The following XXYLT1 variants were observed in gnomAD, a reference collection of about 807,000 sequenced individuals.
XXYLT1 encodes xyloside xylosyltransferase 1, also known as UDP-xylose:alpha-xyloside alpha-1,3-xylosyltransferase.
A neutral mutation model predicts 28.9 loss-of-function variants in XXYLT1; 20 were observed. That is an observed-to-expected ratio of 0.69 (90% CI 0.49 to 1.00). XXYLT1 has a LOEUF of 1.00. Among genes scored for constraint, XXYLT1 ranks in the 50% least tolerant of loss-of-function variants. The probability of loss-of-function intolerance (pLI) is 0.00; values close to 1 mark genes in which losing one functional copy is unlikely to be tolerated. For synonymous variants in XXYLT1, 257 were observed against 253.8 expected, an observed-to-expected ratio of 1.01 and a Z score of -0.12; for missense variants, 542 against 560.1, an observed-to-expected ratio of 0.97 and a Z score of 0.33.
rs1722579284 is a variant in XXYLT1 at position 195,195,287 on chromosome 3, T to C, written c.652+31422A>G. On this transcript the variant is annotated intron_variant, in intron 2 of 3. Coordinates refer to ENST00000310380, the MANE Select transcript of XXYLT1 (RefSeq NM_152531.5). The surrounding 1 kb of genome is among the most constrained non-coding windows in gnomAD (Gnocchi z 4.4). The stretch of plus-strand genomic sequence containing the variant: ...TGCCTGGGTCTCAGTAAGCCTTCTG[T>C]ATTAGCAGTTATTATTATTACAGTC... Among the ~76,000 whole-genome samples, 1 of 152,182 alleles carries C rather than the reference T, an allele frequency of 6.6e-6. No individual in the cohort carries two copies. The highest frequency in any genetic ancestry group is 2.4e-5 in the African/African-American group (1 of 41,432).
intron 1 of XXYLT1, among the ~76,000 whole-genome samples, chr3:195,231,228 C>T (rs1331190948): frequency 1.3e-5 from 2 of 152,094 alleles, no homozygotes; most frequent in African/African-American, 4.8e-5. Flanking sequence ...TTGTATTCTG[C>T]AACTTTACTA....
At chr3:195,086,054 T>C (rs534179695) in intron 3 of XXYLT1, 2 of 152,158 alleles carry the variant, frequency 1.3e-5, no homozygotes, top group East Asian at 3.9e-4. Flanking sequence ...TTAAAGGCCA[T>C]TTGTACACAC....
chr3:195,220,527 A>G (rs78766625), intron 2 of XXYLT1, among the ~76,000 whole-genome samples: 1 of 152,084 alleles, frequency 6.6e-6, no homozygotes, highest in Non-Finnish European at 1.5e-5. Flanking sequence ...TGGGAGTCAC[A>G]GTGTTGCAAT....
chr3:195,109,393 CATGTATGTGTGCATGTGTATG>C (rs1717332643), intron 3 of XXYLT1, among the ~76,000 whole-genome samples: 5 of 151,162 alleles, frequency 3.3e-5, no homozygotes, highest in African/African-American at 4.9e-5. Context: ...TATAAGTGTG[CATGTATGTGTGCATGTGTATG>C]GTGTGTGTGT....
chr3:195,253,359 G>A (rs558531081), intron 1 of XXYLT1, among the ~76,000 whole-genome samples: 21 of 152,198 alleles, frequency 1.4e-4, no homozygotes, highest in East Asian at 1.9e-4. Context: ...GCAAGATCCC[G>A]TTTCATTTCC....
At position 195,143,792 on chromosome 3, in the gene XXYLT1, A is replaced by ATC. The variant is rs5855621; in HGVS notation, c.785+12656_785+12657insGA. Reference sequence around the variant, plus strand: ...AACCAAATGTTCTCTCATTATATATATATATATAGATAGATATATATAGAT... The same window carrying ATC: ...AACCAAATGTTCTCTCATTATATATATCTATATATAGATAGATATATATAGAT... On this transcript the variant is annotated intron_variant, in intron 3 of 3. Transcript: ENST00000310380. Among the ~76,000 whole-genome samples, 344 of 116,116 alleles carry ATC rather than the reference A, an allele frequency of 3.0e-3. 7 individuals are homozygous for ATC. Among genetic ancestry groups the ATC allele is most frequent in the African/African-American group, 0.011 (319 of 29,766 alleles). 76.2% of individuals were successfully genotyped at this position (116,116 alleles called of 152,430 possible). A position where few individuals can be genotyped will look rare whatever the true frequency, so the allele number is the denominator to read the frequency against.
At chr3:195,137,831 T>C (rs764380826) in intron 3 of XXYLT1, among the ~76,000 whole-genome samples, 20 of 152,180 alleles carry the variant, frequency 1.3e-4, no homozygotes, top group Non-Finnish European at 2.5e-4. Flanking sequence ...TGAAGGCCAG[T>C]GATTCTCAAA....
chr3:195,144,196 C>G (rs1719710881), intron 3 of XXYLT1, among the ~76,000 whole-genome samples: 2 of 149,584 alleles, frequency 1.3e-5, no homozygotes, highest in African/African-American at 4.9e-5. Flanking sequence ...GCCTGGCCAA[C>G]CGCCCACTCC....
chr3:195,112,065 A>G (rs1018981411), intron 3 of XXYLT1, among the ~76,000 whole-genome samples: 3 of 152,320 alleles, frequency 2.0e-5, no homozygotes, highest in South Asian at 2.1e-4. Context: ...GCTAATATCA[A>G]TCAGTACATT....
rs142975827 is a variant in XXYLT1 at position 195,076,074 on chromosome 3, G to T, written c.786-5963C>A. ...AGAAAGAACCAGCACCACGGCCTCC[G>T]CCTCCTGGAGCCTCTCCCCGCACGC... is the stretch of plus-strand genomic sequence containing the variant. On this transcript the variant is annotated intron_variant, in intron 3 of 3. Coordinates refer to ENST00000310380, the MANE Select transcript of XXYLT1 (RefSeq NM_152531.5). This position sits in a 1 kb window ranked among gnomAD's most constrained non-coding sequence, Gnocchi z 5.3. 6.6e-6 allele frequency among the ~76,000 whole-genome samples: 1 copy of T among 152,170 alleles called. No homozygotes were observed. Among genetic ancestry groups the T allele is most frequent in the Non-Finnish European group, 1.5e-5 (1 of 68,022 alleles).
At chr3:195,072,045 C>T (rs1410629163) in intron 3 of XXYLT1, among the ~76,000 whole-genome samples, 1 of 152,188 alleles carries the variant, frequency 6.6e-6, no homozygotes, top group Non-Finnish European at 1.5e-5. Flanking sequence ...GGAGAGGACT[C>T]ACCCAGCTGG....
rs377452124 is a variant in XXYLT1, at chr3:195,069,689, C to T, written c.*26G>A. On this transcript the variant is annotated 3_prime_UTR_variant, in exon 4 of 4. Transcript: ENST00000310380. ...CCTGTCCTTCCCCCAGATCTGGAGG[C>T]CCCGGGGGCAAGGCACGGGGAGCGC... The T allele has an allele frequency of 1.1e-5, 17 of 1,588,866 alleles. No homozygotes were observed. Among genetic ancestry groups the T allele is most frequent in the African/African-American group, 5.4e-5 (4 of 74,730 alleles).
chr3:195,268,597 TCA>T (rs544202406), intron 1 of XXYLT1, among the ~76,000 whole-genome samples: 1,192 of 51,432 alleles, frequency 0.023, 21 homozygotes, highest in Admixed American at 0.13. Flanking sequence ...AAACTCCATC[TCA>T]CAAAAAAAAA....
In XXYLT1 at chr3:195,210,897, C is replaced by G. The variant is rs992461741; in HGVS notation, c.652+15812G>C. 7.9e-5 allele frequency among the ~76,000 whole-genome samples: 12 copies of G among 152,196 alleles called. No homozygotes were observed. Among genetic ancestry groups the G allele is most frequent in the Admixed American group, 2.0e-4 (3 of 15,286 alleles). ...ACACCAAGAACCCCTGCTCCTCCCC[C>G]CAGCTGAACGCTGACAGTCAAGGGC... On this transcript the variant is annotated intron_variant, in intron 2 of 3. Coordinates refer to ENST00000310380, the MANE Select transcript of XXYLT1 (RefSeq NM_152531.5). The surrounding 1 kb of genome is among the most constrained non-coding windows in gnomAD (Gnocchi z 4.8).
chr3:195,112,067 C>T (rs964825572), intron 3 of XXYLT1, among the ~76,000 whole-genome samples: 10 of 152,152 alleles, frequency 6.6e-5, no homozygotes, highest in African/African-American at 1.9e-4. Context: ...TAATATCAAT[C>T]AGTACATTGG....
Position 195,256,051 on chromosome 3 carries a change from CA to C in XXYLT1, c.504+14503del, listed in dbSNP as rs1725465327. ...GAGGCCACCCAGCCAGCAGCAGGCA[CA>C]GGGGCACCGTGGGAACCCTTCTGGT... is the stretch of plus-strand genomic sequence containing the variant. On this transcript the variant is annotated intron_variant, in intron 1 of 3. Coordinates refer to ENST00000310380, the MANE Select transcript of XXYLT1 (RefSeq NM_152531.5). The surrounding 1 kb of genome is among the most constrained non-coding windows in gnomAD (Gnocchi z 4.2). Among the ~76,000 whole-genome samples, 1 of 152,192 alleles carries C rather than the reference CA, an allele frequency of 6.6e-6. No individual in the cohort carries two copies. The highest frequency in any genetic ancestry group is 1.5e-5 in the Non-Finnish European group (1 of 68,028).
At chr3:195,083,439 C>A (rs1332604161) in intron 3 of XXYLT1, among the ~76,000 whole-genome samples, 1 of 152,208 alleles carries the variant, frequency 6.6e-6, no homozygotes, top group Non-Finnish European at 1.5e-5. Flanking sequence ...ACCCTCCCTG[C>A]TGAGATGATC....
rs183210989 is a variant in XXYLT1, at chr3:195,132,513, C to T, written c.785+23936G>A. ...AATAAGTGCTTAGAACAGTGCTTGGCGCATGACACACATTCATTAAGCAGC... is the reference window on the plus strand; with the variant it reads ...AATAAGTGCTTAGAACAGTGCTTGGTGCATGACACACATTCATTAAGCAGC... On this transcript the variant is annotated intron_variant, in intron 3 of 3. Transcript: ENST00000310380. Among the ~76,000 whole-genome samples the T allele has an allele frequency of 1.4e-3, 210 of 152,040 alleles. 1 individual carries two copies. Among genetic ancestry groups the T allele is most frequent in the African/African-American group, 4.9e-3 (202 of 41,518 alleles).
chr3:195,119,287 C>CAA (rs11328657), intron 3 of XXYLT1, among the ~76,000 whole-genome samples: 10 of 109,584 alleles, frequency 9.1e-5, no homozygotes, highest in South Asian at 3.1e-4. Flanking sequence ...CCATCTCAAA[C>CAA]AAAAAAAAAA....
Sources: allele counts gnomAD v4.1 joint callset (sites outside exome capture counted in the v4.1 genomes callset), GRCh38; gene constraint gnomAD v4.1.1; non-coding constraint Gnocchi (gnomAD v3.1); transcripts MANE v1.5; gene names NCBI Gene and HGNC (gene_info 2026-07-23, HGNC 2026-07-21).